The following ONECUT1 variants were observed in gnomAD, a reference collection of about 807,000 sequenced individuals.
The protein encoded by ONECUT1 is hepatocyte nuclear factor 6.
Under a neutral mutation model 25.6 loss-of-function variants are expected in ONECUT1, and 12 were observed. That is an observed-to-expected ratio of 0.47 (90% confidence interval 0.30 to 0.76). The LOEUF is 0.76. Ranked by LOEUF, ONECUT1 falls within the 30% of genes least tolerant of loss-of-function variation. ONECUT1 has a pLI of 0.07. For missense variants in ONECUT1, 620 were observed against 651.2 expected, an observed-to-expected ratio of 0.95 and a Z score of 0.52; for synonymous variants, 285 against 270.2, an observed-to-expected ratio of 1.05 and a Z score of -0.54.
chr15:52,780,623 C>T (rs2141460621), intron 1 of ONECUT1: 1 of 1,535,450 alleles, frequency 6.5e-7, no homozygotes, highest in East Asian at 2.4e-5. Context: ...GTGACTCCAT[C>T]AATACTCGAA....
At chr15:52,758,758 C>A (rs1258040082) in intron 1 of ONECUT1, among the ~76,000 whole-genome samples, 1 of 152,110 alleles carries the variant, frequency 6.6e-6, no homozygotes, top group Non-Finnish European at 1.5e-5. Context: ...AGCCCTCAGA[C>A]CCCAGGGTTT....
rs539201961 is a variant in ONECUT1 at position 52,788,940 on chromosome 15, G to A, written c.945C>T (p.Phe315=). Residue 315 remains phenylalanine, a synonymous_variant, in exon 1 of 2, where the codon TTC becomes TTT. Transcript: ENST00000305901. The surrounding 1 kb of genome is among the most constrained non-coding windows in gnomAD (Gnocchi z 4.3). ...LKRYSIPQAI[F]AQRVLCRSQG... ...GGGAGCGGCAGAGCACCCTCTGCGC[G>A]AAGATGGCCTGTGGGATGCTGTAGC... 5 of 1,613,942 alleles carry A rather than the reference G, an allele frequency of 3.1e-6. No homozygotes were observed. Among genetic ancestry groups the A allele is most frequent in the South Asian group, 1.1e-5 (1 of 91,076 alleles).
intron 1 of ONECUT1, among the ~76,000 whole-genome samples, chr15:52,774,602 A>G (rs1359885814): frequency 2.6e-5 from 4 of 152,188 alleles, no homozygotes; most frequent in Admixed American, 6.5e-5. Flanking sequence ...ACCTGGCCAG[A>G]AGTTACCTTT....
rs57187579 is a variant in ONECUT1 at position 52,777,737 on chromosome 15, C to CACACAAA, written c.1105+11042_1105+11043insTTTGTGT. 7.0e-3 allele frequency among the ~76,000 whole-genome samples: 721 copies of CACACAAA among 103,390 alleles called. 23 individuals are homozygous for CACACAAA. Among genetic ancestry groups the CACACAAA allele is most frequent in the African/African-American group, 0.029 (661 of 22,544 alleles). 67.8% of individuals were successfully genotyped at this position (103,390 alleles called of 152,430 possible). On this transcript the variant is annotated intron_variant, in intron 1 of 1. Transcript: ENST00000305901. Reference sequence around the variant, plus strand: ...ACACACACACACACACACACACACACAAAAAAACATGTAAAGTTATTTGTT... The same window carrying CACACAAA: ...ACACACACACACACACACACACACACACACAAAAAAAAAACATGTAAAGTTATTTGTT...
At chr15:52,776,385 C>T (rs1470995477) in intron 1 of ONECUT1, among the ~76,000 whole-genome samples, 1 of 147,394 alleles carries the variant, frequency 6.8e-6, no homozygotes, top group Non-Finnish European at 1.5e-5. Flanking sequence ...CACTCTCCAC[C>T]ATGTCTACTC....
intron 1 of ONECUT1, among the ~76,000 whole-genome samples, chr15:52,770,916 A>G (rs1008044229): frequency 6.6e-6 from 1 of 152,238 alleles, no homozygotes; most frequent in African/African-American, 2.4e-5. Flanking sequence ...CTTGGCAAAG[A>G]TTTAAAACCT....
rs1252775804 is a variant in ONECUT1, at chr15:52,757,400, G to A, written c.*155C>T. On this transcript the variant is annotated 3_prime_UTR_variant, in exon 2 of 2. Transcript: ENST00000305901. ...GTCTCCAAACAAAGTCAGAATGCAG[G>A]TGAGCTAAGTCTTTGGTTTCTTTGG... is the stretch of plus-strand genomic sequence containing the variant. 4 of 812,114 alleles carry A rather than the reference G, an allele frequency of 4.9e-6. No homozygotes were observed. The Admixed American group carries it at 1.3e-4, about 26-fold the overall frequency. 50.3% of individuals were successfully genotyped at this position (812,114 alleles called of 1,614,324 possible). A position where few individuals can be genotyped will look rare whatever the true frequency, so the allele number is the denominator to read the frequency against.
At position 52,757,615 on chromosome 15, in the gene ONECUT1, G is replaced by A. The variant is rs141094636; in HGVS notation, c.1338C>T (p.Asp446=). Residue 446 remains aspartate, a synonymous_variant, in exon 2 of 2, where the codon GAC becomes GAT. Transcript: ENST00000305901. ...AGTTGCCTGAATTGGAGCTGCCCTC[G>A]TCCTGCCACTTGTCCAGACTCCTCC... is the stretch of plus-strand genomic sequence containing the variant. ...ARRRSLDKWQ[D]EGSSNSGNSS... The A allele has an allele frequency of 2.6e-4, 426 of 1,614,022 alleles. 1 individual carries two copies. The highest frequency in any genetic ancestry group is 3.2e-4 in the Non-Finnish European group (376 of 1,180,008).
intron 1 of ONECUT1, among the ~76,000 whole-genome samples, chr15:52,783,169 A>G (rs2083851821): frequency 6.6e-6 from 1 of 152,182 alleles, no homozygotes; most frequent in African/African-American, 2.4e-5. Flanking sequence ...GATCAAAGGG[A>G]CTGAATTGAA....
chr15:52,779,897 G>C (rs2083829290), intron 1 of ONECUT1, among the ~76,000 whole-genome samples: 1 of 152,186 alleles, frequency 6.6e-6, no homozygotes, highest in South Asian at 2.1e-4. Flanking sequence ...TATAAGTCTA[G>C]GGCAGAGGCA....
intron 1 of ONECUT1, among the ~76,000 whole-genome samples, chr15:52,781,854 T>C (rs563796831): frequency 6.6e-5 from 10 of 152,316 alleles, no homozygotes; most frequent in Admixed American, 4.6e-4. Flanking sequence ...GTATAAATGT[T>C]GAGTCTTCAA....
At chr15:52,758,821 C>A (rs2141444206) in intron 1 of ONECUT1, among the ~76,000 whole-genome samples, 1 of 152,224 alleles carries the variant, frequency 6.6e-6, no homozygotes, top group South Asian at 2.1e-4. Context: ...CTCTTTCCAC[C>A]CTAATGAGGC....
intron 1 of ONECUT1, among the ~76,000 whole-genome samples, chr15:52,766,748 C>T (rs961133238): frequency 2.6e-5 from 4 of 152,148 alleles, no homozygotes; most frequent in Admixed American, 6.5e-5. Context: ...AAGGAAAGAG[C>T]GGGAGCAGAG....
At chr15:52,777,355 C>T (rs1485064081) in intron 1 of ONECUT1, among the ~76,000 whole-genome samples, 1 of 149,196 alleles carries the variant, frequency 6.7e-6, no homozygotes, top group Non-Finnish European at 1.5e-5. Context: ...CACATATTCT[C>T]CCCCCTTCTC....
intron 1 of ONECUT1, among the ~76,000 whole-genome samples, chr15:52,781,370 G>T (rs1400044345): frequency 2.0e-5 from 3 of 152,186 alleles, no homozygotes; most frequent in Non-Finnish European, 4.4e-5. Flanking sequence ...GAGTATAAAA[G>T]AAATAAGTTT....
At chr15:52,767,346 G>A (rs940424388) in intron 1 of ONECUT1, among the ~76,000 whole-genome samples, 1 of 152,142 alleles carries the variant, frequency 6.6e-6, no homozygotes, top group African/African-American at 2.4e-5. Context: ...CTCTCCACAA[G>A]GTTTGTCTTC....
chr15:52,764,570 G>A (rs1158915475), intron 1 of ONECUT1, among the ~76,000 whole-genome samples: 1 of 152,192 alleles, frequency 6.6e-6, no homozygotes, highest in East Asian at 1.9e-4. Flanking sequence ...TGCTCTCTGT[G>A]AGTCCTTAGA....
rs1566992335 is a variant in ONECUT1, at chr15:52,777,728, ACACACACAC to A, written c.1105+11043_1105+11051del. On this transcript the variant is annotated intron_variant, in intron 1 of 1. Coordinates refer to ENST00000305901, the MANE Select transcript of ONECUT1 (RefSeq NM_004498.4). Reference sequence around the variant, plus strand: ...CACACACACACACACACACACACACACACACACACAAAAAAACATGTAAAGTTATTTGTT... The same window carrying A: ...CACACACACACACACACACACACACAAAAAAAACATGTAAAGTTATTTGTT... 5.6e-5 allele frequency among the ~76,000 whole-genome samples: 7 copies of A among 125,194 alleles called. No individual in the cohort carries two copies. The East Asian group carries it at 1.1e-3, about 19-fold the overall frequency. The allele number at this position is 125,194 out of a possible 152,430, so 82.1% of individuals were successfully genotyped here.
chr15:52,769,036 A>G (rs767137066), intron 1 of ONECUT1, among the ~76,000 whole-genome samples: 1 of 152,196 alleles, frequency 6.6e-6, no homozygotes, highest in African/African-American at 2.4e-5. Context: ...ATGAACCTCC[A>G]CATCCCTACT....
Sources: gnomAD v4.1 joint callset for allele counts (sites outside exome capture counted in the v4.1 genomes callset) on GRCh38, gnomAD v4.1.1 for gene constraint, Gnocchi (gnomAD v3.1) non-coding constraint, MANE v1.5 for transcripts, NCBI Gene and HGNC (gene_info 2026-07-23, HGNC 2026-07-21) for gene names.